GPHN: variants seen among roughly 807,000 people sequenced by gnomAD.
The protein encoded by GPHN is gephyrin.
A neutral mutation model predicts 95.5 loss-of-function variants in GPHN; 17 were observed. The observed-to-expected ratio is 0.18, with a 90% CI of 0.12 to 0.27. The LOEUF is 0.27. GPHN is among the 10% of genes least tolerant of loss of function. GPHN has a pLI of 1.00. For synonymous variants in GPHN, 320 were observed against 322.5 expected, an observed-to-expected ratio of 0.99 and a Z score of 0.08; for missense variants, 660 against 978.1, an observed-to-expected ratio of 0.67 and a Z score of 4.34.
At chr14:66,956,956 G>T (rs1216977928) in intron 8 of GPHN, among the ~76,000 whole-genome samples, 2 of 112,862 alleles carry the variant, frequency 1.8e-5, no homozygotes, top group Admixed American at 1.2e-4. Flanking sequence ...ACACTCTGGG[G>T]ACTGTTGTGG....
chr14:67,674,692 G>A, the GPHN span: 128 of 462,648 alleles, frequency 2.8e-4, 1 homozygote, highest in Admixed American at 6.9e-4. Context: ...CTGGAGCGCC[G>A]GCGCGAAAGC....
chr14:67,508,753 C>CAAAAAAAAAATAAAAAA, the GPHN span, among the ~76,000 whole-genome samples: 1 of 46,714 alleles, frequency 2.1e-5, no homozygotes, highest in Non-Finnish European at 4.7e-5. Flanking sequence ...AACCTTGTCT[C>CAAAAAAAAAATAAAAAA]AAAAAAAAAA....
chr14:66,810,180 A>G (rs2060702004), intron 3 of GPHN, among the ~76,000 whole-genome samples: 1 of 151,990 alleles, frequency 6.6e-6, no homozygotes, highest in Non-Finnish European at 1.5e-5. Context: ...TTCTTTACAT[A>G]TAAATACATG....
chr14:67,178,617 A>G (rs1013883527), intron 21 of GPHN, among the ~76,000 whole-genome samples: 29 of 152,090 alleles, frequency 1.9e-4, no homozygotes, highest in African/African-American at 7.0e-4. Flanking sequence ...TATTTTTATC[A>G]TCAGAGTCCA....
the GPHN span, among the ~76,000 whole-genome samples, chr14:67,465,314 GGCCCA>G: frequency 6.6e-6 from 1 of 150,474 alleles, no homozygotes. Context: ...AGGGGCCGAA[GGCCCA>G]GAGGCAGTGA....
the GPHN span, among the ~76,000 whole-genome samples, chr14:67,532,349 G>C: frequency 8.3e-4 from 127 of 152,304 alleles, no homozygotes; most frequent in African/African-American, 2.9e-3. Context: ...AGAGCCTGCA[G>C]GGTTGAGGAA....
intron 1 of GPHN, among the ~76,000 whole-genome samples, chr14:66,653,139 C>T (rs187948733): frequency 1.3e-5 from 2 of 152,228 alleles, no homozygotes; most frequent in East Asian, 3.9e-4. Context: ...GTGTTCCCAG[C>T]ATCCTCCCTC....
chr14:67,431,734 A>G, the GPHN span, among the ~76,000 whole-genome samples: 2 of 152,002 alleles, frequency 1.3e-5, no homozygotes, highest in Non-Finnish European at 2.9e-5. Context: ...ACAGCGGCAA[A>G]AAAGGTTGGG....
chr14:67,701,247 A>C, the GPHN span, among the ~76,000 whole-genome samples: 1 of 151,898 alleles, frequency 6.6e-6, no homozygotes, highest in African/African-American at 2.4e-5. Context: ...AGATTGTAGA[A>C]TTTAAAATCA....
chr14:67,114,365 T>C (rs141176294), intron 16 of GPHN, among the ~76,000 whole-genome samples: 2 of 152,256 alleles, frequency 1.3e-5, no homozygotes, highest in Non-Finnish European at 2.9e-5. Context: ...GTGCAACAAG[T>C]AAGTTCATGG....
chr14:67,639,110 T>C, the GPHN span, among the ~76,000 whole-genome samples: 4 of 152,224 alleles, frequency 2.6e-5, no homozygotes, highest in Non-Finnish European at 5.9e-5. Flanking sequence ...AATCCTTCTA[T>C]GAAATTCAGT....
chr14:66,718,319 T>C (rs181448155), intron 2 of GPHN, among the ~76,000 whole-genome samples: 5 of 152,050 alleles, frequency 3.3e-5, no homozygotes, highest in Admixed American at 3.3e-4. Context: ...TTGTAGTGAG[T>C]GTTACAGTTC....
At chr14:66,589,600 A>G (rs1396160980) in intron 1 of GPHN, among the ~76,000 whole-genome samples, 1 of 152,144 alleles carries the variant, frequency 6.6e-6, no homozygotes, top group African/African-American at 2.4e-5. Context: ...CCATTACATA[A>G]TGGTAAAGGG....
intron 4 of GPHN, among the ~76,000 whole-genome samples, chr14:66,878,434 A>G (rs2063770171): frequency 6.6e-6 from 1 of 152,216 alleles, no homozygotes; most frequent in Non-Finnish European, 1.5e-5. Flanking sequence ...CAGACAACCT[A>G]CAGAATGGGA....
chr14:66,815,895 G>A (rs1002902058), intron 3 of GPHN, among the ~76,000 whole-genome samples: 2 of 152,124 alleles, frequency 1.3e-5, no homozygotes, highest in African/African-American at 4.8e-5. Flanking sequence ...CCATTGATAT[G>A]CTGTCTTCAA....
At chr14:67,373,844 T>A in the GPHN span, among the ~76,000 whole-genome samples, 1 of 97,330 alleles carries the variant, frequency 1.0e-5, no homozygotes, top group Non-Finnish European at 1.8e-5. Flanking sequence ...ATTTGTTCAG[T>A]GTGTGTGTGT....
chr14:66,769,671 G>T (rs1319889533), intron 2 of GPHN, among the ~76,000 whole-genome samples: 1 of 151,988 alleles, frequency 6.6e-6, no homozygotes, highest in Admixed American at 6.6e-5. Context: ...CTTTTTTGTG[G>T]CTGCATAGTA....
At chr14:67,695,260 A>G in the GPHN span, among the ~76,000 whole-genome samples, 1 of 152,208 alleles carries the variant, frequency 6.6e-6, no homozygotes, top group Admixed American at 6.5e-5. Flanking sequence ...GGCTGGTTTA[A>G]GGCGTGGGGA....
rs983052553 is a variant in GPHN, at chr14:66,566,390, T to A, written c.64+57799T>A. Among the ~76,000 whole-genome samples, 6 of 152,194 alleles carry A rather than the reference T, an allele frequency of 3.9e-5. No homozygotes were observed. In the East Asian group the frequency reaches 7.7e-4, roughly 20 times the overall value. Reference sequence around the variant, plus strand: ...AGGCTCTGAGATTTTTTGTTTTTTTTAATTTTGCAGCTGACATGAGAGGAC... The same window carrying A: ...AGGCTCTGAGATTTTTTGTTTTTTTAAATTTTGCAGCTGACATGAGAGGAC... On this transcript the variant is annotated intron_variant, in intron 1 of 22. Coordinates refer to ENST00000478722, the MANE Select transcript of GPHN (RefSeq NM_020806.5).
Sources: allele counts gnomAD v4.1 joint callset (sites outside exome capture counted in the v4.1 genomes callset), GRCh38; gene constraint gnomAD v4.1.1; transcripts MANE v1.5; gene names NCBI Gene and HGNC (gene_info 2026-07-23, HGNC 2026-07-21).